Variants in BNIP2 observed in about 807,000 individuals in gnomAD.
BNIP2 encodes BCL2 interacting protein 2.
In BNIP2, 36 loss-of-function variants were observed where a neutral mutation model predicts 43.4. The ratio of observed to expected loss-of-function variants is 0.83; its 90% CI spans 0.64 to 1.10. The LOEUF is 1.10. BNIP2 is among the 50% of genes least tolerant of loss of function. The pLI is 0.00. For synonymous variants in BNIP2, 146 were observed against 121.0 expected (o/e 1.21, Z -1.35); for missense variants, 417 against 374.1 (o/e 1.11, Z -0.95).
At position 59,675,392 on chromosome 15, in the gene BNIP2, C is replaced by T. The variant is rs555675545; in HGVS notation, c.472+2519G>A. Among the ~76,000 whole-genome samples the T allele has an allele frequency of 3.6e-4, 55 of 152,056 alleles. 1 individual carries two copies. The highest frequency in any genetic ancestry group is 1.2e-3 in the African/African-American group (48 of 41,482). On this transcript the variant is annotated intron_variant, in intron 5 of 9. Coordinates refer to ENST00000607373, the MANE Select transcript of BNIP2 (RefSeq NM_004330.4). ...TCAGGAGGCTGGGGTGAGCAAATCA[C>T]GAGGTCAGGTGATCGAGACCATCCT...
At chr15:59,684,385 A>T (rs1893886919) in intron 1 of BNIP2, among the ~76,000 whole-genome samples, 1 of 152,254 alleles carries the variant, frequency 6.6e-6, no homozygotes, top group Non-Finnish European at 1.5e-5. Context: ...AAAACATTTA[A>T]AATAATCTTT....
At position 59,664,005 on chromosome 15, in the gene BNIP2, G is replaced by T; in HGVS notation, c.*64C>A. The stretch of plus-strand genomic sequence containing the variant: ...AAATATGGGCCAATAAATGCATTAT[G>T]AATGCAGAAACAGCACTGCTCCATC... On this transcript the variant is annotated 3_prime_UTR_variant, in exon 10 of 10. Coordinates refer to ENST00000607373, the MANE Select transcript of BNIP2 (RefSeq NM_004330.4). 1 of 1,233,438 alleles carries T rather than the reference G, an allele frequency of 8.1e-7. No homozygotes were observed. Among genetic ancestry groups the T allele is most frequent in the Non-Finnish European group, 1.1e-6 (1 of 892,076 alleles). The allele number at this position is 1,233,438 out of a possible 1,614,324, so 76.4% of individuals were successfully genotyped here.
At chr15:59,680,339 G>C in intron 2 of BNIP2, 31 bp from the exon 3 acceptor site, 4 of 1,520,776 alleles carry the variant, frequency 2.6e-6, no homozygotes, top group Non-Finnish European at 3.5e-6. Flanking sequence ...TTTTAATCCA[G>C]AAATTAAGAA....
At chr15:59,667,962 C>T (rs943290341) in intron 9 of BNIP2, 74 of 435,216 alleles carry the variant, frequency 1.7e-4, no homozygotes, top group African/African-American at 1.5e-3. Context: ...TCTGGGTTCA[C>T]CCTGTATTTG....
intron 9 of BNIP2, among the ~76,000 whole-genome samples, chr15:59,664,953 CAGTA>C (rs1386760172): frequency 1.3e-5 from 2 of 152,172 alleles, no homozygotes; most frequent in African/African-American, 4.8e-5. Context: ...TTTGTTTTGA[CAGTA>C]AGAAGCCTTA....
chr15:59,669,393 AAAG>A, intron 7 of BNIP2, 31 bp from the exon 8 acceptor site: 1 of 1,325,984 alleles, frequency 7.5e-7, no homozygotes, highest in South Asian at 1.5e-5. Flanking sequence ...ACACACACAC[AAAG>A]AAAATTAAAA....
chr15:59,683,356 G>C (rs1220783878), intron 1 of BNIP2, among the ~76,000 whole-genome samples: 1 of 152,180 alleles, frequency 6.6e-6, no homozygotes, highest in Non-Finnish European at 1.5e-5. Flanking sequence ...ACTATAGAAG[G>C]AAAGAGGTAT....
In BNIP2 at chr15:59,689,256, A is replaced by C. The variant is rs1894227247; in HGVS notation, c.-179T>G. 5 of 1,543,154 alleles carry C rather than the reference A, an allele frequency of 3.2e-6. No homozygotes were observed. The highest frequency in any genetic ancestry group is 3.5e-6 in the Non-Finnish European group (4 of 1,146,022). The stretch of plus-strand genomic sequence containing the variant: ...CCGCTCCCCTCGGTCGGCGGTGGAG[A>C]CCCCGGCCCAATCCCCCGGCCGCAG... On this transcript the variant is annotated 5_prime_UTR_variant, in exon 1 of 10. Transcript: ENST00000607373.
At chr15:59,683,350 T>C (rs1470143950) in intron 1 of BNIP2, among the ~76,000 whole-genome samples, 2 of 152,226 alleles carry the variant, frequency 1.3e-5, no homozygotes, top group Non-Finnish European at 2.9e-5. Flanking sequence ...GTGAAAACTA[T>C]AGAAGGAAAG....
chr15:59,667,755 T>G (rs1892649920), intron 9 of BNIP2, among the ~76,000 whole-genome samples: 1 of 152,252 alleles, frequency 6.6e-6, no homozygotes, highest in African/African-American at 2.4e-5. Context: ...AAGTTAGCGA[T>G]TTAAAGAAAA....
Position 59,668,931 on chromosome 15 carries a change from A to T in BNIP2, c.854T>A (p.Val285Asp). The T allele has an allele frequency of 6.2e-7, 1 of 1,613,814 alleles. No individual in the cohort carries two copies. The change falls in exon 9 of 10, where the codon GTC becomes GAC. Residue 285 changes from valine to aspartate, a missense_variant. Coordinates refer to ENST00000607373, the MANE Select transcript of BNIP2 (RefSeq NM_004330.4). ...TGGTATGCCAACGTATTCCATGGGG[A>T]CAAGTTCTGCTAGTTCTGCCAAATT... ...VFNLAELAEL[V>D]PMEYVGIPEC...
intron 5 of BNIP2, among the ~76,000 whole-genome samples, chr15:59,675,005 C>A (rs1031640966): frequency 1.3e-5 from 2 of 152,056 alleles, no homozygotes; most frequent in African/African-American, 4.8e-5. Context: ...AATCCCAGCA[C>A]TTTGGGAGGC....
intron 5 of BNIP2, chr15:59,676,659 A>C: frequency 1.7e-6 from 1 of 594,740 alleles, no homozygotes. Flanking sequence ...CAGAGTTTCT[A>C]AAAGTATTTA....
chr15:59,682,954 C>G (rs1179968048), intron 1 of BNIP2, among the ~76,000 whole-genome samples: 1 of 152,176 alleles, frequency 6.6e-6, no homozygotes, highest in African/African-American at 2.4e-5. Context: ...ACTCATGATT[C>G]AGCAGAGTCA....
chr15:59,668,115 T>C (rs1413070185), intron 9 of BNIP2: 1 of 1,297,744 alleles, frequency 7.7e-7, no homozygotes, highest in Non-Finnish European at 1.0e-6. Context: ...TTTTTGTTTC[T>C]TTTTAAACTT....
intron 5 of BNIP2, among the ~76,000 whole-genome samples, chr15:59,674,097 AAAACAAAAAC>A (rs1406854516): frequency 2.7e-5 from 4 of 149,998 alleles, no homozygotes; most frequent in East Asian, 3.9e-4. Flanking sequence ...TCTCAAAAAA[AAAACAAAAAC>A]AAAAACAAAA....
At chr15:59,673,289 T>A (rs541447227) in intron 5 of BNIP2, among the ~76,000 whole-genome samples, 1 of 152,240 alleles carries the variant, frequency 6.6e-6, no homozygotes, top group South Asian at 2.1e-4. Context: ...ATTTTTTGTG[T>A]ATTTTTAGTA....
intron 5 of BNIP2, chr15:59,676,735 C>A: frequency 1.6e-6 from 2 of 1,247,512 alleles, no homozygotes. Context: ...CGGTGCGGTG[C>A]GGGCGGCAGA....
chr15:59,669,820 A>G (rs1892791484), intron 7 of BNIP2, among the ~76,000 whole-genome samples: 1 of 152,214 alleles, frequency 6.6e-6, no homozygotes, highest in Admixed American at 6.5e-5. Context: ...TCCTATTCTT[A>G]AGGAATTTAA....
Sources: allele counts gnomAD v4.1 joint callset (sites outside exome capture counted in the v4.1 genomes callset), GRCh38; gene constraint gnomAD v4.1.1; transcripts MANE v1.5; gene names NCBI Gene and HGNC (gene_info 2026-07-23, HGNC 2026-07-21).